FAM227B: variants seen among roughly 807,000 people sequenced by gnomAD.
The protein encoded by FAM227B is protein FAM227B.
In FAM227B, 88 loss-of-function variants were observed where a neutral mutation model predicts 73.8. That is an observed-to-expected ratio of 1.19 (90% CI 1.00 to 1.42). The LOEUF (loss-of-function observed/expected upper bound fraction) is 1.42. Ranked by LOEUF, FAM227B falls within the 40% of genes most tolerant of loss-of-function variation. FAM227B has a pLI of 0.00. For synonymous variants in FAM227B, 210 were observed against 190.5 expected, an observed-to-expected ratio of 1.10 and a Z score of -0.84; for missense variants, 632 against 590.9, an observed-to-expected ratio of 1.07 and a Z score of -0.72.
chr15:49,605,849 G>T (rs1598511273), intron 3 of FAM227B, among the ~76,000 whole-genome samples: 1 of 152,086 alleles, frequency 6.6e-6, no homozygotes, highest in East Asian at 1.9e-4. Context: ...GTCTGAGAGG[G>T]ATAGCCTGGG....
chr15:49,542,684 G>A (rs1170209556), intron 9 of FAM227B, among the ~76,000 whole-genome samples: 1 of 150,070 alleles, frequency 6.7e-6, no homozygotes, highest in Non-Finnish European at 1.5e-5. Flanking sequence ...CCTTCTAATG[G>A]CTGAGTAGTA....
chr15:49,491,037 G>A (rs1039996973), intron 11 of FAM227B, among the ~76,000 whole-genome samples: 2 of 151,828 alleles, frequency 1.3e-5, no homozygotes, highest in African/African-American at 2.4e-5. Context: ...CAGCAGTGCC[G>A]GAAGTAAATA....
intron 11 of FAM227B, among the ~76,000 whole-genome samples, chr15:49,416,201 C>G (rs981779702): frequency 1.4e-5 from 2 of 138,398 alleles, no homozygotes; most frequent in Non-Finnish European, 3.0e-5. Context: ...GGAATGCATG[C>G]TCTGTTAGGG....
At chr15:49,466,843 C>T (rs902389043) in intron 11 of FAM227B, among the ~76,000 whole-genome samples, 10 of 152,170 alleles carry the variant, frequency 6.6e-5, no homozygotes, top group African/African-American at 2.2e-4. Context: ...TTTATTTCTG[C>T]CTCTTTTTCC....
intron 15 of FAM227B, chr15:49,329,704 GAATT>G (rs996498828): frequency 4.1e-6 from 4 of 971,910 alleles, no homozygotes; most frequent in Non-Finnish European, 4.9e-6. Context: ...TCTGAAACCT[GAATT>G]TATTTAAATT....
chr15:49,328,715 T>C, intron 15 of FAM227B, 40 bp from the exon 16 acceptor site: 3 of 1,545,326 alleles, frequency 1.9e-6, no homozygotes, highest in Non-Finnish European at 2.6e-6. Context: ...ACAGATCTTC[T>C]TGGACATTGT....
intron 1 of FAM227B, among the ~76,000 whole-genome samples, chr15:49,617,413 C>G (rs1316844447): frequency 6.6e-6 from 1 of 151,870 alleles, no homozygotes; most frequent in Non-Finnish European, 1.5e-5. Context: ...ATGCAAAGTA[C>G]AAATATGATA....
chr15:49,544,771 T>C (rs1196718324), intron 9 of FAM227B, among the ~76,000 whole-genome samples: 1 of 152,184 alleles, frequency 6.6e-6, no homozygotes, highest in Non-Finnish European at 1.5e-5. Context: ...AACATATGCT[T>C]TTTAATTTTG....
chr15:49,391,950 T>C (rs1351510293), intron 11 of FAM227B, among the ~76,000 whole-genome samples: 2 of 152,012 alleles, frequency 1.3e-5, no homozygotes, highest in Non-Finnish European at 2.9e-5. Context: ...ACTGCAAACG[T>C]TGGTGTGGGT....
At chr15:49,583,581 T>C (rs550023882) in intron 5 of FAM227B, among the ~76,000 whole-genome samples, 2 of 151,932 alleles carry the variant, frequency 1.3e-5, no homozygotes, top group South Asian at 4.2e-4. Context: ...CCAGCAGCCC[T>C]TGGGGCTCCT....
chr15:49,551,689 C>A (rs2073042074), intron 9 of FAM227B, among the ~76,000 whole-genome samples: 1 of 152,118 alleles, frequency 6.6e-6, no homozygotes, highest in African/African-American at 2.4e-5. Context: ...TCCTGTCTTA[C>A]TGTAGTGAAT....
chr15:49,328,090 A>AGCACC lies in FAM227B; in HGVS notation c.*473_*477dup. ...ATTACCAGAGGAGTGATGGAAGCTT[A>AGCACC]GCACCGGAGAAGCAAAGTTTGTTTG... On this transcript the variant is annotated 3_prime_UTR_variant, in exon 16 of 16. Coordinates refer to ENST00000299338, the MANE Select transcript of FAM227B (RefSeq NM_152647.3). 6.2e-7 allele frequency: 1 copy of AGCACC among 1,614,140 alleles called. No homozygotes were observed. Among genetic ancestry groups the AGCACC allele is most frequent in the Non-Finnish European group, 8.5e-7 (1 of 1,180,014 alleles).
rs145198347 is a variant in FAM227B, at chr15:49,535,763, G to C, written c.874+5917C>G. On this transcript the variant is annotated intron_variant, in intron 10 of 15. Coordinates refer to ENST00000299338, the MANE Select transcript of FAM227B (RefSeq NM_152647.3). ...AGCATGCAAGGCTGGTTTAATAAAT[G>C]CAATTCAATCAGTGTGACACATCAT... Among the ~76,000 whole-genome samples, 38 of 151,934 alleles carry C rather than the reference G, an allele frequency of 2.5e-4. 1 individual carries two copies. In the East Asian group the frequency reaches 5.8e-3, roughly 23 times the overall value.
chr15:49,443,497 C>T (rs186374805), intron 11 of FAM227B, among the ~76,000 whole-genome samples: 1 of 151,488 alleles, frequency 6.6e-6, no homozygotes, highest in East Asian at 1.9e-4. Flanking sequence ...TACATTTAAG[C>T]GAATGATACA....
chr15:49,512,262 T>C (rs2059058040), intron 10 of FAM227B, among the ~76,000 whole-genome samples: 1 of 152,172 alleles, frequency 6.6e-6, no homozygotes, highest in Non-Finnish European at 1.5e-5. Context: ...TTTGGCTGAA[T>C]ATAAAAAGAA....
intron 14 of FAM227B, among the ~76,000 whole-genome samples, chr15:49,332,145 G>A (rs2038913614): frequency 6.7e-6 from 1 of 149,812 alleles, no homozygotes; most frequent in Non-Finnish European, 1.5e-5. Context: ...CACTTAGCAA[G>A]GAGACAGTCT....
rs1373753629 is a variant in FAM227B, at chr15:49,367,383, A to G, written c.1271+65T>C. ...AATTTGTTTCTCAATTGAGACATTC[A>G]GTGAAATGTTTTGAATATTATTTTT... On this transcript the variant is annotated intron_variant, in intron 13 of 15. Coordinates refer to ENST00000299338, the MANE Select transcript of FAM227B (RefSeq NM_152647.3). 3.2e-5 allele frequency: 42 copies of G among 1,324,798 alleles called. 1 individual carries two copies. Among genetic ancestry groups the G allele is most frequent in the Non-Finnish European group, 4.2e-5 (41 of 987,646 alleles). 82.1% of individuals were successfully genotyped at this position (1,324,798 alleles called of 1,614,324 possible).
intron 13 of FAM227B, among the ~76,000 whole-genome samples, chr15:49,357,584 T>G (rs2043390258): frequency 6.6e-6 from 1 of 151,268 alleles, no homozygotes; most frequent in Non-Finnish European, 1.5e-5. Flanking sequence ...GCTGAAATTG[T>G]GGCAATAATC....
In FAM227B at chr15:49,508,210, C is replaced by T; in HGVS notation, c.1012+1G>A. ...TGGCAGTATACAGAAACTTTACTTA[C>T]TAGTTGATATATGTTCTTGACTGTC... On this transcript the variant is annotated splice_donor_variant, in intron 11 of 15. Transcript: ENST00000299338. LOFTEE classifies it high-confidence loss of function. The T allele has an allele frequency of 6.2e-7, 1 of 1,603,076 alleles. No individual in the cohort carries two copies. Among genetic ancestry groups the T allele is most frequent in the Non-Finnish European group, 8.5e-7 (1 of 1,176,554 alleles).
Sources: allele counts gnomAD v4.1 joint callset (sites outside exome capture counted in the v4.1 genomes callset), GRCh38; gene constraint gnomAD v4.1.1; transcripts MANE v1.5; gene names NCBI Gene and HGNC (gene_info 2026-07-23, HGNC 2026-07-21).